CACUL1: variants seen among roughly 807,000 people sequenced by gnomAD.
CACUL1 encodes CDK2 associated cullin domain 1.
A neutral mutation model predicts 45.2 loss-of-function variants in CACUL1; 13 were observed. The observed-to-expected ratio is 0.29, with a 90% CI of 0.19 to 0.46. The LOEUF is 0.46. CACUL1 is among the 20% of genes least tolerant of loss of function. The pLI, the probability that CACUL1 is intolerant of heterozygous loss-of-function variation, is 1.00. For missense variants in CACUL1, 421 were observed against 471.4 expected, an observed-to-expected ratio of 0.89 and a Z score of 0.99; for synonymous variants, 197 against 174.2, an observed-to-expected ratio of 1.13 and a Z score of -1.03.
intron 3 of CACUL1, chr10:118,726,459 T>A: frequency 2.3e-6 from 1 of 433,802 alleles, no homozygotes; most frequent in Non-Finnish European, 4.0e-6. Flanking sequence ...AGGAAGGGCC[T>A]GTGAAGTAGT....
At chr10:118,700,551 A>C (rs1426184296) in intron 5 of CACUL1, among the ~76,000 whole-genome samples, 1 of 152,092 alleles carries the variant, frequency 6.6e-6, no homozygotes, top group African/African-American at 2.4e-5. Flanking sequence ...CCCCATCTCT[A>C]CTAAAAATAG....
At chr10:118,744,291 C>T (rs905583377) in intron 1 of CACUL1, among the ~76,000 whole-genome samples, 6 of 152,144 alleles carry the variant, frequency 3.9e-5, no homozygotes, top group Non-Finnish European at 8.8e-5. Flanking sequence ...GAGGCTGGGG[C>T]AGGAGCATCG....
At position 118,680,284 on chromosome 10, in the gene CACUL1, A is replaced by T; in HGVS notation, c.*5844T>A. The T allele has an allele frequency of 6.6e-6, 1 of 152,214 alleles. No individual in the cohort carries two copies. The highest frequency in any genetic ancestry group is 6.5e-5 in the Admixed American group (1 of 15,286). The allele number at this position is 152,214 out of a possible 1,614,324, so 9.4% of individuals were successfully genotyped here. A position where few individuals can be genotyped will look rare whatever the true frequency, so the allele number is the denominator to read the frequency against. ...TAGTAGAAAAGGTTTGTACTTAGTAAAAAACAAACCTGCTAAAAGGGAAAG... is the reference window on the plus strand; with the variant it reads ...TAGTAGAAAAGGTTTGTACTTAGTATAAAACAAACCTGCTAAAAGGGAAAG... On this transcript the variant is annotated 3_prime_UTR_variant, in exon 9 of 9. Coordinates refer to ENST00000369151, the MANE Select transcript of CACUL1 (RefSeq NM_153810.5).
intron 3 of CACUL1, among the ~76,000 whole-genome samples, chr10:118,727,126 C>T (rs1845659131): frequency 6.6e-6 from 1 of 152,144 alleles, no homozygotes; most frequent in African/African-American, 2.4e-5. Flanking sequence ...CAGTGGTTCA[C>T]ACCTGTAATC....
At chr10:118,730,499 CACTT>C (rs1206429046) in intron 1 of CACUL1, 89 bp from the exon 2 acceptor site, 38 of 1,255,980 alleles carry the variant, frequency 3.0e-5, no homozygotes, top group Middle Eastern at 2.7e-4. Flanking sequence ...AAATTCCTCT[CACTT>C]ACTCTTCTGA....
At chr10:118,743,284 G>A (rs1021175772) in intron 1 of CACUL1, among the ~76,000 whole-genome samples, 6 of 151,866 alleles carry the variant, frequency 4.0e-5, no homozygotes, top group African/African-American at 1.5e-4. Context: ...TAGTGGCAGG[G>A]GGGTTCTGAC....
rs1444327659 is a variant in CACUL1 at position 118,681,051 on chromosome 10, A to G, written c.*5077T>C. On this transcript the variant is annotated 3_prime_UTR_variant, in exon 9 of 9. Coordinates refer to ENST00000369151, the MANE Select transcript of CACUL1 (RefSeq NM_153810.5). ...TTAGAGTGAAAGTATATGCCCTAAT[A>G]CAGAAGGAGTGATTCAGAACCCACC... is the stretch of plus-strand genomic sequence containing the variant. 6.6e-6 allele frequency: 1 copy of G among 152,238 alleles called. No homozygotes were observed. Among genetic ancestry groups the G allele is most frequent in the Non-Finnish European group, 1.5e-5 (1 of 68,042 alleles). The allele number at this position is 152,238 out of a possible 1,614,324, so 9.4% of individuals were successfully genotyped here.
chr10:118,706,528 G>A (rs2119589763), intron 4 of CACUL1, among the ~76,000 whole-genome samples: 1 of 152,258 alleles, frequency 6.6e-6, no homozygotes. Context: ...AGTTAATTCT[G>A]CTATCCTAGA....
At chr10:118,732,173 G>T (rs1222313883) in intron 1 of CACUL1, among the ~76,000 whole-genome samples, 1 of 152,196 alleles carries the variant, frequency 6.6e-6, no homozygotes, top group African/African-American at 2.4e-5. Flanking sequence ...GGTAAACTAA[G>T]TTTGGAGGCT....
At chr10:118,729,443 C>T in intron 2 of CACUL1, 46 bp from the exon 3 acceptor site, 1 of 1,357,342 alleles carries the variant, frequency 7.4e-7, no homozygotes. Flanking sequence ...AATCATAAAG[C>T]ACTTAACTCA....
intron 1 of CACUL1, among the ~76,000 whole-genome samples, chr10:118,749,792 C>T (rs143661456): frequency 3.9e-5 from 6 of 152,304 alleles, no homozygotes; most frequent in Admixed American, 1.3e-4. Context: ...GGCTTATGGA[C>T]GTCACATAAA....
Position 118,754,551 on chromosome 10 carries a change from T to G in CACUL1, c.212A>C (p.Lys71Thr), listed in dbSNP as rs1387322627. The change falls in exon 1 of 9, where the codon AAG becomes ACG. Residue 71 changes from lysine to threonine, a missense_variant. This residue lies in a region of CACUL1 where 213 missense variants were observed against 173.1 expected (regional missense o/e 1.23). Transcript: ENST00000369151. ...PAVSVDRKGP[K>T]EGLPMGPQPP... ...CTGCGGCCCCATCGGGAGCCCCTCC[T>G]TGGGGCCTTTCCTGTCCACGGAGAC... is the stretch of plus-strand genomic sequence containing the variant. 1 of 1,612,362 alleles carries G rather than the reference T, an allele frequency of 6.2e-7. No homozygotes were observed. Among genetic ancestry groups the G allele is most frequent in the Admixed American group, 1.7e-5 (1 of 59,934 alleles).
chr10:118,681,424 CTGTTT>C lies in CACUL1; in HGVS notation c.*4699_*4703del. 6.6e-6 allele frequency: 1 copy of C among 152,212 alleles called. No individual in the cohort carries two copies. The highest frequency in any genetic ancestry group is 1.5e-5 in the Non-Finnish European group (1 of 68,048). 9.4% of individuals were successfully genotyped at this position (152,212 alleles called of 1,614,324 possible). A position where few individuals can be genotyped will look rare whatever the true frequency, so the allele number is the denominator to read the frequency against. ...AGAACTAATGAGAGTGAACTGCCAT[CTGTTT>C]AACAAAACGCACTCTTCTAAGAGAA... On this transcript the variant is annotated 3_prime_UTR_variant, in exon 9 of 9. Coordinates refer to ENST00000369151, the MANE Select transcript of CACUL1 (RefSeq NM_153810.5).
intron 3 of CACUL1, among the ~76,000 whole-genome samples, chr10:118,711,411 C>T (rs183597833): frequency 6.6e-6 from 1 of 152,324 alleles, no homozygotes; most frequent in East Asian, 1.9e-4. Flanking sequence ...TCTTTGTTAA[C>T]TAAAGAACTT....
intron 7 of CACUL1, among the ~76,000 whole-genome samples, chr10:118,690,491 C>T (rs557209066): frequency 1.6e-4 from 25 of 152,016 alleles, no homozygotes; most frequent in Admixed American, 2.6e-4. Context: ...GTTAATTAAG[C>T]GCAAAAACTT....
intron 1 of CACUL1, among the ~76,000 whole-genome samples, chr10:118,751,440 G>A (rs1002471703): frequency 3.9e-5 from 6 of 151,936 alleles, no homozygotes; most frequent in Non-Finnish European, 8.8e-5. Context: ...TCTATATAGT[G>A]AGTCACTCTC....
intron 1 of CACUL1, among the ~76,000 whole-genome samples, chr10:118,751,356 T>G (rs533077005): frequency 6.6e-6 from 1 of 152,154 alleles, no homozygotes; most frequent in Admixed American, 6.5e-5. Context: ...ATGTTAACTT[T>G]GGTTTTTCTT....
At chr10:118,698,435 C>T (rs550135250) in intron 5 of CACUL1, among the ~76,000 whole-genome samples, 6 of 152,230 alleles carry the variant, frequency 3.9e-5, no homozygotes, top group South Asian at 4.1e-4. Flanking sequence ...TGAGCCATCG[C>T]GCCCAGCCGA....
chr10:118,750,552 G>C (rs980281984), intron 1 of CACUL1, among the ~76,000 whole-genome samples: 1 of 152,068 alleles, frequency 6.6e-6, no homozygotes, highest in African/African-American at 2.4e-5. Context: ...TTTTATCTCT[G>C]TCCCAAAACT....
Sources: allele counts gnomAD v4.1 joint callset (sites outside exome capture counted in the v4.1 genomes callset), GRCh38; gene constraint gnomAD v4.1.1; regional missense constraint gnomAD v4.1.1; transcripts MANE v1.5; gene names NCBI Gene and HGNC (gene_info 2026-07-23, HGNC 2026-07-21).